The following KCNH8 variants were observed in gnomAD, a reference collection of about 807,000 sequenced individuals.
KCNH8 encodes the protein voltage-gated delayed rectifier potassium channel KCNH8.
A neutral mutation model predicts 103.6 loss-of-function variants in KCNH8; 70 were observed. That is an observed-to-expected ratio of 0.68 (90% CI 0.56 to 0.82). KCNH8 has a LOEUF of 0.82. Ranked by LOEUF, KCNH8 falls within the 40% of genes least tolerant of loss-of-function variation. The pLI is 0.00. For missense variants in KCNH8, 1,217 were observed against 1,329.9 expected (o/e 0.92, Z 1.32); for synonymous variants, 498 against 489.4 (o/e 1.02, Z -0.23).
rs536581517 is a variant in KCNH8 at position 19,220,285 on chromosome 3, C to T, written c.77-33369C>T. ...CTGAAGTACAGTCTCAGAGCTCAGC[C>T]CACACAAGCTCATGCAGGTTGCATC... On this transcript the variant is annotated intron_variant, in intron 1 of 15. Transcript: ENST00000328405. 7.2e-5 allele frequency among the ~76,000 whole-genome samples: 11 copies of T among 152,296 alleles called. No individual in the cohort carries two copies. The South Asian group carries it at 2.3e-3, about 32-fold the overall frequency.
chr3:19,260,565 C>T (rs1323130116), intron 2 of KCNH8, among the ~76,000 whole-genome samples: 1 of 123,638 alleles, frequency 8.1e-6, no homozygotes, highest in Non-Finnish European at 1.7e-5. Context: ...AACAAATTAA[C>T]ATATCCATTA....
chr3:19,467,627 G>A (rs919858684), intron 11 of KCNH8, among the ~76,000 whole-genome samples: 1 of 152,108 alleles, frequency 6.6e-6, no homozygotes, highest in Non-Finnish European at 1.5e-5. Flanking sequence ...GGGAGTAGGA[G>A]CTGAAACATA....
At chr3:19,450,986 A>C in intron 9 of KCNH8, 169 bp from the exon 10 acceptor site, 1 of 653,766 alleles carries the variant, frequency 1.5e-6, no homozygotes, top group Non-Finnish European at 2.7e-6. Context: ...CATAATTCAC[A>C]GTCACTGAAA....
chr3:19,382,588 T>A (rs1376002151), intron 5 of KCNH8, among the ~76,000 whole-genome samples: 1 of 152,212 alleles, frequency 6.6e-6, no homozygotes, highest in Non-Finnish European at 1.5e-5. Context: ...ACTATTAATA[T>A]GTGACGCAGT....
chr3:19,343,919 T>G (rs2065694818), intron 4 of KCNH8, among the ~76,000 whole-genome samples: 1 of 151,756 alleles, frequency 6.6e-6, no homozygotes, highest in Non-Finnish European at 1.5e-5. Context: ...TTTGAATCAT[T>G]TGTCCTCCAA....
intron 5 of KCNH8, among the ~76,000 whole-genome samples, chr3:19,377,562 A>G (rs984435244): frequency 3.9e-5 from 6 of 152,248 alleles, no homozygotes; most frequent in Non-Finnish European, 7.3e-5. Flanking sequence ...TCTGGCAAGT[A>G]TACAGAGGTG....
At chr3:19,487,638 C>T (rs1022323803) in intron 11 of KCNH8, among the ~76,000 whole-genome samples, 4 of 152,136 alleles carry the variant, frequency 2.6e-5, no homozygotes, top group African/African-American at 9.7e-5. Flanking sequence ...TTGGGGCCAT[C>T]GCTTAGCTAG....
At chr3:19,170,613 T>TAC (rs1553620054) in intron 1 of KCNH8, among the ~76,000 whole-genome samples, 5,411 of 142,912 alleles carry the variant, frequency 0.038, 379 homozygotes, top group African/African-American at 0.14. Context: ...TATATATGTA[T>TAC]ACACACACAT....
chr3:19,441,184 C>A (rs1646319115), intron 8 of KCNH8, among the ~76,000 whole-genome samples: 1 of 152,158 alleles, frequency 6.6e-6, no homozygotes, highest in Admixed American at 6.5e-5. Flanking sequence ...CAGTCAGGGG[C>A]ACTATCTTGT....
intron 11 of KCNH8, among the ~76,000 whole-genome samples, chr3:19,474,216 C>T (rs775685691): frequency 6.6e-6 from 1 of 152,140 alleles, no homozygotes; most frequent in East Asian, 1.9e-4. Context: ...AAACAAATTG[C>T]AAAATCCCAG....
chr3:19,231,400 A>T (rs994060149), intron 1 of KCNH8, among the ~76,000 whole-genome samples: 1 of 152,192 alleles, frequency 6.6e-6, no homozygotes, highest in Admixed American at 6.5e-5. Context: ...AATAAGAAAG[A>T]TGAGAGAAAA....
intron 12 of KCNH8, among the ~76,000 whole-genome samples, chr3:19,512,242 C>T (rs2068795580): frequency 6.6e-6 from 1 of 151,970 alleles, no homozygotes; most frequent in Non-Finnish European, 1.5e-5. Flanking sequence ...ATTGTCTTTT[C>T]CCACACTCTT....
At chr3:19,407,820 T>C (rs996008614) in intron 7 of KCNH8, among the ~76,000 whole-genome samples, 7 of 152,080 alleles carry the variant, frequency 4.6e-5, no homozygotes, top group African/African-American at 1.7e-4. Flanking sequence ...CCCACTCTCC[T>C]AGATTGAGCT....
intron 1 of KCNH8, among the ~76,000 whole-genome samples, chr3:19,250,290 G>A (rs1272516125): frequency 1.3e-5 from 2 of 151,916 alleles, no homozygotes; most frequent in African/African-American, 2.4e-5. Context: ...ACAAAACATA[G>A]TGAAGAGAAT....
At chr3:19,532,907 G>C (rs962010252) in intron 15 of KCNH8, among the ~76,000 whole-genome samples, 5 of 152,110 alleles carry the variant, frequency 3.3e-5, no homozygotes, top group African/African-American at 1.2e-4. Flanking sequence ...AGCCTTTCAG[G>C]CTTTCTTATT....
intron 1 of KCNH8, among the ~76,000 whole-genome samples, chr3:19,194,268 C>G (rs953761688): frequency 6.6e-6 from 1 of 151,758 alleles, no homozygotes; most frequent in African/African-American, 2.4e-5. Context: ...CTCTTGATAA[C>G]ATTTTGTGCT....
intron 15 of KCNH8, 150 bp from the exon 16 acceptor site, chr3:19,533,245 T>C (rs2069197709): frequency 3.2e-6 from 2 of 617,144 alleles, no homozygotes; most frequent in African/African-American, 1.9e-5. Flanking sequence ...AATTTCTTTT[T>C]CACCAAGCAA....
At chr3:19,507,225 G>C (rs975248762) in intron 11 of KCNH8, among the ~76,000 whole-genome samples, 1 of 152,170 alleles carries the variant, frequency 6.6e-6, no homozygotes, top group Non-Finnish European at 1.5e-5. Context: ...GAAGCCCTTA[G>C]ACTGTTTCTT....
rs1456156487 is a variant in KCNH8 at position 19,451,379 on chromosome 3, A to T, written c.1800A>T (p.Lys600Asn). 1.9e-6 allele frequency: 3 copies of T among 1,613,688 alleles called. No homozygotes were observed. The highest frequency in any genetic ancestry group is 3.3e-5 in the Admixed American group (2 of 59,944). ...GCTCGGGCTCCATGGAAGTTCTTAA[A>T]GACAGCATGGTGCTGGCTATTCTTG... ...FVCSGSMEVLKDSMVLAILGK... is the reference protein window; with the variant it reads ...FVCSGSMEVLNDSMVLAILGK... The change falls in exon 10 of 16, where the codon AAA becomes AAT. Residue 600 changes from lysine (K) to asparagine (N), a missense_variant. Lys to Asn is a moderately conservative substitution (Grantham distance 94, BLOSUM62 0). Around this residue, in one of 3 missense-constraint regions of KCNH8, gnomAD observed 415 missense variants for 577.4 expected, o/e 0.72. Coordinates refer to ENST00000328405, the MANE Select transcript of KCNH8 (RefSeq NM_144633.3).
Sources: gnomAD v4.1 joint callset for allele counts (sites outside exome capture counted in the v4.1 genomes callset) on GRCh38, gnomAD v4.1.1 for gene constraint, gnomAD v4.1.1 regional missense constraint, MANE v1.5 for transcripts, NCBI Gene and HGNC (gene_info 2026-07-23, HGNC 2026-07-21) for gene names.